BIN2: variants seen among roughly 807,000 people sequenced by gnomAD.
The protein encoded by BIN2 is bridging integrator 2.
Under a neutral mutation model 67.9 loss-of-function variants are expected in BIN2, and 43 were observed. That is an observed-to-expected ratio of 0.63 (90% CI 0.50 to 0.82). BIN2 has a LOEUF of 0.82. Ranked by LOEUF, BIN2 falls within the 40% of genes least tolerant of loss-of-function variation. BIN2 has a pLI of 0.00. For missense variants in BIN2, 581 were observed against 671.6 expected, an observed-to-expected ratio of 0.87 and a Z score of 1.49; for synonymous variants, 244 against 246.8, an observed-to-expected ratio of 0.99 and a Z score of 0.11.
At chr12:51,300,668 G>A (rs1349689645) in intron 5 of BIN2, among the ~76,000 whole-genome samples, 2 of 151,946 alleles carry the variant, frequency 1.3e-5, no homozygotes, top group African/African-American at 2.4e-5. Flanking sequence ...TCTTTGAACC[G>A]TTTCATTCTC....
intron 1 of BIN2, among the ~76,000 whole-genome samples, chr12:51,315,962 C>T (rs1459862663): frequency 1.3e-5 from 2 of 152,108 alleles, no homozygotes; most frequent in Admixed American, 6.6e-5. Context: ...CATCATCCTG[C>T]GAAGTCCAAG....
chr12:51,288,853 G>A (rs1177094257), intron 10 of BIN2, among the ~76,000 whole-genome samples: 14 of 151,644 alleles, frequency 9.2e-5, no homozygotes, highest in Admixed American at 8.6e-4. Context: ...GGGTTCAAGC[G>A]ATTCTCCTGC....
At chr12:51,311,498 G>T (rs979933677) in intron 2 of BIN2, among the ~76,000 whole-genome samples, 8 of 152,078 alleles carry the variant, frequency 5.3e-5, no homozygotes, top group African/African-American at 1.7e-4. Flanking sequence ...TCCTACCTCA[G>T]CCTCCCAGGT....
Position 51,300,800 on chromosome 12 carries a change from A to G in BIN2, c.409-1086T>C, listed in dbSNP as rs1224064697. ...TTTGACTTCTGTTTGCACAAAGAACAGACAACTCACTATCTTTGAGTCTAT... is the reference window on the plus strand; with the variant it reads ...TTTGACTTCTGTTTGCACAAAGAACGGACAACTCACTATCTTTGAGTCTAT... On this transcript the variant is annotated intron_variant, in intron 5 of 12. Transcript: ENST00000615107. Among the ~76,000 whole-genome samples, 3 of 152,396 alleles carry G rather than the reference A, an allele frequency of 2.0e-5. No homozygotes were observed. In the East Asian group the frequency reaches 5.8e-4, roughly 29 times the overall value.
intron 2 of BIN2, among the ~76,000 whole-genome samples, chr12:51,310,403 G>T (rs1056739839): frequency 1.3e-5 from 2 of 152,156 alleles, no homozygotes; most frequent in Non-Finnish European, 2.9e-5. Flanking sequence ...GTGAGTTGCT[G>T]ATTTAAACAA....
intron 12 of BIN2, 119 bp from the exon 13 acceptor site, chr12:51,281,647 CTT>C: frequency 9.9e-7 from 1 of 1,010,506 alleles, no homozygotes; most frequent in Non-Finnish European, 1.6e-6. Flanking sequence ...ACTGGCCTCT[CTT>C]GAGGGAGGCA....
rs375226066 is a variant in BIN2 at position 51,292,296 on chromosome 12, T to C, written c.810A>G (p.Thr270=). ...LVISPPVRTA[T]VSSPLTSPTS... ...TAGGTGAGGTAAGAGGACTGGAGAC[T>C]GTAGCTGTTCGAACTGGGGGAGAAA... The change falls in exon 10 of 13, where the codon ACA becomes ACG. Residue 270 remains threonine, a synonymous_variant. Transcript: ENST00000615107. 2 of 1,598,954 alleles carry C rather than the reference T, an allele frequency of 1.3e-6. No homozygotes were observed. Among genetic ancestry groups the C allele is most frequent in the Non-Finnish European group, 1.7e-6 (2 of 1,178,724 alleles).
intron 11 of BIN2, among the ~76,000 whole-genome samples, 156 bp from the exon 12 acceptor site, chr12:51,284,943 A>G (rs1945200862): frequency 2.0e-5 from 3 of 152,226 alleles, no homozygotes; most frequent in South Asian, 2.1e-4. Flanking sequence ...GCCTGAAGGC[A>G]TCGGGAAAGG....
At position 51,302,017 on chromosome 12, in the gene BIN2, T is replaced by C. The variant is rs746787853; in HGVS notation, c.408+3A>G. On this transcript the variant is annotated splice_donor_region_variant and intron_variant, in intron 5 of 12. Coordinates refer to ENST00000615107, the MANE Select transcript of BIN2 (RefSeq NM_016293.4). ...CCCAGCCTTGATTCTGTACATTGAG[T>C]ACCTTAATTTCACTGAACTGGGCAA... 1 of 1,605,212 alleles carries C rather than the reference T, an allele frequency of 6.2e-7. No homozygotes were observed. Among genetic ancestry groups the C allele is most frequent in the African/African-American group, 1.3e-5 (1 of 74,822 alleles).
chr12:51,319,868 A>C (rs1946221784), intron 1 of BIN2, among the ~76,000 whole-genome samples: 1 of 152,154 alleles, frequency 6.6e-6, no homozygotes, highest in Non-Finnish European at 1.5e-5. Flanking sequence ...GGTAATTTGC[A>C]TAGGGCCTGG....
intron 10 of BIN2, among the ~76,000 whole-genome samples, chr12:51,288,529 A>T (rs1945301299): frequency 6.6e-6 from 1 of 151,928 alleles, no homozygotes; most frequent in East Asian, 1.9e-4. Context: ...AATTTTATTT[A>T]TTCTTTTTTT....
At position 51,284,775 on chromosome 12, in the gene BIN2, G is replaced by A; in HGVS notation, c.1609C>T (p.Leu537Phe). The A allele has an allele frequency of 6.2e-7, 1 of 1,613,344 alleles. No homozygotes were observed. The highest frequency in any genetic ancestry group is 8.5e-7 in the Non-Finnish European group (1 of 1,179,342). ...SANSSEGQDQ[L>F]QVSMVPENNN... ...TTTTCTGGTACCATGGAGACTTGAAGCTGGTCTTGGCCCTACAAAGAGAAG... is the reference window on the plus strand; with the variant it reads ...TTTTCTGGTACCATGGAGACTTGAAACTGGTCTTGGCCCTACAAAGAGAAG... The change falls in exon 12 of 13, where the codon CTT becomes TTT. Residue 537 changes from leucine to phenylalanine, a missense_variant. Physicochemically the swap from Leu to Phe is conservative, Grantham distance 22. Coordinates refer to ENST00000615107, the MANE Select transcript of BIN2 (RefSeq NM_016293.4).
intron 2 of BIN2, among the ~76,000 whole-genome samples, chr12:51,311,213 A>G (rs1451586029): frequency 1.3e-5 from 2 of 149,944 alleles, no homozygotes; most frequent in African/African-American, 4.9e-5. Flanking sequence ...CACCATGCCC[A>G]GCTAATTTTT....
At position 51,291,866 on chromosome 12, in the gene BIN2, G is replaced by A. The variant is rs770140303; in HGVS notation, c.1240C>T (p.Pro414Ser). Residue 414 changes from proline to serine, a missense_variant, in exon 10 of 13, where the codon CCT becomes TCT. Physicochemically the swap from Pro to Ser is moderately conservative, Grantham distance 74. Coordinates refer to ENST00000615107, the MANE Select transcript of BIN2 (RefSeq NM_016293.4). ...RASIQRTSAP[P>S]SRPPPPRATA... is the part of the protein sequence containing the mutation. Reference sequence around the variant, plus strand: ...GCTCTGGGTGGAGGAGGCCTACTAGGGGGTGCTGAGGTCCTCTGGATAGAG... The same window carrying A: ...GCTCTGGGTGGAGGAGGCCTACTAGAGGGTGCTGAGGTCCTCTGGATAGAG... 1.9e-6 allele frequency: 3 copies of A among 1,614,184 alleles called. No individual in the cohort carries two copies. The highest frequency in any genetic ancestry group is 2.2e-5 in the East Asian group (1 of 44,878).
At chr12:51,314,653 G>C (rs1946077066) in intron 1 of BIN2, among the ~76,000 whole-genome samples, 1 of 151,916 alleles carries the variant, frequency 6.6e-6, no homozygotes. Flanking sequence ...TACAAAATTA[G>C]CTGGGCATGG....
chr12:51,314,764 A>C (rs898672637), intron 1 of BIN2, among the ~76,000 whole-genome samples: 1 of 151,272 alleles, frequency 6.6e-6, no homozygotes, highest in African/African-American at 2.4e-5. Flanking sequence ...GCACCATTGT[A>C]CTCCAGCCTG....
At chr12:51,300,812 A>G (rs1273754161) in intron 5 of BIN2, among the ~76,000 whole-genome samples, 1 of 152,220 alleles carries the variant, frequency 6.6e-6, no homozygotes, top group Non-Finnish European at 1.5e-5. Context: ...ACAACTCACT[A>G]TCTTTGAGTC....
intron 12 of BIN2, 87 bp from the exon 13 acceptor site, chr12:51,281,615 G>T: frequency 7.3e-7 from 1 of 1,371,960 alleles, no homozygotes; most frequent in South Asian, 1.2e-5. Context: ...TGCTTCTACT[G>T]AATTATACTT....
At chr12:51,316,561 A>C (rs12578771) in intron 1 of BIN2, among the ~76,000 whole-genome samples, 19,850 of 152,152 alleles carry the variant, frequency 0.13, 1,436 homozygotes, top group East Asian at 0.24. Context: ...GCATGCATGC[A>C]GGTCCCAAGG....
Sources: allele counts gnomAD v4.1 joint callset (sites outside exome capture counted in the v4.1 genomes callset), GRCh38; gene constraint gnomAD v4.1.1; transcripts MANE v1.5; gene names NCBI Gene and HGNC (gene_info 2026-07-23, HGNC 2026-07-21).